Variants in ANKRD12 observed in about 807,000 individuals in gnomAD.
The protein encoded by ANKRD12 is ankyrin repeat domain-containing protein 12.
A neutral mutation model predicts 183.4 loss-of-function variants in ANKRD12; 85 were observed. The observed-to-expected ratio is 0.46, with a 90% confidence interval of 0.39 to 0.56. The LOEUF (loss-of-function observed/expected upper bound fraction) is 0.56. Ranked by LOEUF, ANKRD12 falls within the 20% of genes least tolerant of loss-of-function variation. ANKRD12 has a pLI of 0.00. For synonymous variants in ANKRD12, 914 were observed against 800.2 expected, an observed-to-expected ratio of 1.14 and a Z score of -2.40; for missense variants, 2,405 against 2,357.1, an observed-to-expected ratio of 1.02 and a Z score of -0.42.
chr18:9,159,775 T>G (rs997740182), intron 1 of ANKRD12, among the ~76,000 whole-genome samples: 4 of 151,578 alleles, frequency 2.6e-5, no homozygotes, highest in African/African-American at 9.7e-5. Context: ...ATTGTTCATT[T>G]TCTTTATACA....
intron 1 of ANKRD12, among the ~76,000 whole-genome samples, chr18:9,149,635 G>A (rs916189134): frequency 6.6e-6 from 1 of 151,982 alleles, no homozygotes; most frequent in African/African-American, 2.4e-5. Flanking sequence ...GATTTGGCTA[G>A]GATTAGTAGA....
At chr18:9,172,614 G>C (rs1003521316) in intron 1 of ANKRD12, among the ~76,000 whole-genome samples, 2 of 152,132 alleles carry the variant, frequency 1.3e-5, no homozygotes, top group Admixed American at 6.6e-5. Context: ...CTGCTTAGAA[G>C]CTCCTCCATT....
intron 8 of ANKRD12, among the ~76,000 whole-genome samples, chr18:9,239,865 A>G (rs958764700): frequency 6.6e-6 from 1 of 152,218 alleles, no homozygotes; most frequent in Non-Finnish European, 1.5e-5. Flanking sequence ...CTAAGAGGGT[A>G]TCATGTACGT....
chr18:9,265,060 C>T (rs543130881), intron 10 of ANKRD12, among the ~76,000 whole-genome samples: 52 of 151,882 alleles, frequency 3.4e-4, no homozygotes, highest in Non-Finnish European at 6.8e-4. Flanking sequence ...AACCGCAAGG[C>T]GGGAGCGAGG....
At chr18:9,157,583 G>GTATATATATATATATA (rs1184683418) in intron 1 of ANKRD12, among the ~76,000 whole-genome samples, 2 of 100,588 alleles carry the variant, frequency 2.0e-5, no homozygotes, top group African/African-American at 1.0e-4. Context: ...GTGTGTGTGT[G>GTATATATATATATATA]TGTATATATA....
chr18:9,207,052 A>G (rs574373450), intron 4 of ANKRD12, among the ~76,000 whole-genome samples: 1 of 152,202 alleles, frequency 6.6e-6, no homozygotes, highest in South Asian at 2.1e-4. Context: ...AAATACATTC[A>G]TTATAGTTAA....
At chr18:9,279,043 T>G (rs997933619) in intron 11 of ANKRD12, among the ~76,000 whole-genome samples, 2 of 152,112 alleles carry the variant, frequency 1.3e-5, no homozygotes, top group African/African-American at 2.4e-5. Context: ...AATTTGAATA[T>G]AGTCTGTTAA....
Position 9,258,118 on chromosome 18 carries a change from T to C in ANKRD12, c.4851T>C (p.His1617=). The C allele has an allele frequency of 2.5e-6, 4 of 1,613,582 alleles. No homozygotes were observed. Among genetic ancestry groups the C allele is most frequent in the Non-Finnish European group, 3.4e-6 (4 of 1,179,974 alleles). The change falls in exon 9 of 13, where the codon CAT becomes CAC. Residue 1617 remains histidine, a synonymous_variant. Transcript: ENST00000262126. ...TAACTTACAAGTCTTCCAGTGGCCA[T>C]GAAGTTGAGAATAGCACAACTGATA... ...SKLTYKSSSG[H]EVENSTTDTQ...
intron 1 of ANKRD12, among the ~76,000 whole-genome samples, chr18:9,144,002 T>C (rs1362666794): frequency 6.6e-6 from 1 of 152,220 alleles, no homozygotes; most frequent in Non-Finnish European, 1.5e-5. Flanking sequence ...CATAGATACT[T>C]ACATACCTAT....
In ANKRD12 at chr18:9,206,656, G is replaced by A. The variant is rs28545708; in HGVS notation, c.305-2001G>A. On this transcript the variant is annotated intron_variant, in intron 4 of 12. Transcript: ENST00000262126. ...AAAATAGAGTTTATATTGGATGCTA[G>A]CATCTGATTCGAATTTTGTTTTAAA... Among the ~76,000 whole-genome samples, 588 of 152,140 alleles carry A rather than the reference G, an allele frequency of 3.9e-3. 3 individuals are homozygous for A. The highest frequency in any genetic ancestry group is 0.013 in the African/African-American group (523 of 41,522).
chr18:9,279,894 A>G (rs2040028152), intron 12 of ANKRD12, among the ~76,000 whole-genome samples: 1 of 152,190 alleles, frequency 6.6e-6, no homozygotes, highest in Non-Finnish European at 1.5e-5. Flanking sequence ...TATCCAATGT[A>G]CCTGTCTGGT....
Position 9,256,144 on chromosome 18 carries a change from T to C in ANKRD12, c.2877T>C (p.Asp959=). The change falls in exon 9 of 13, where the codon GAT becomes GAC. Residue 959 remains aspartate, a synonymous_variant. Transcript: ENST00000262126. ...GKNKEKDREL[D]KKEKSRDKES... ...ATAAAGAAAAAGACAGGGAGCTAGA[T>C]AAAAAGGAAAAATCTAGAGATAAAG... The C allele has an allele frequency of 1.3e-6, 2 of 1,555,562 alleles. No homozygotes were observed. Among genetic ancestry groups the C allele is most frequent in the Non-Finnish European group, 1.7e-6 (2 of 1,161,620 alleles).
intron 6 of ANKRD12, 42 bp from the exon 7 acceptor site, chr18:9,216,716 G>A (rs779515664): frequency 6.3e-7 from 1 of 1,595,740 alleles, no homozygotes; most frequent in Non-Finnish European, 8.6e-7. Context: ...ATATTTTGAA[G>A]TAGCGCAAGT....
At chr18:9,214,210 T>A (rs1463720653) in intron 6 of ANKRD12, among the ~76,000 whole-genome samples, 1 of 152,104 alleles carries the variant, frequency 6.6e-6, no homozygotes, top group Non-Finnish European at 1.5e-5. Flanking sequence ...TACATACTAG[T>A]CTGTTCTATC....
chr18:9,239,444 C>T (rs1408046848), intron 8 of ANKRD12: 2 of 1,009,650 alleles, frequency 2.0e-6, no homozygotes, highest in Non-Finnish European at 2.7e-6. Context: ...TTGATTGTTT[C>T]ATGTGTTCAT....
At chr18:9,269,751 A>G (rs2039494770) in intron 10 of ANKRD12, among the ~76,000 whole-genome samples, 1 of 152,270 alleles carries the variant, frequency 6.6e-6, no homozygotes, top group Non-Finnish European at 1.5e-5. Context: ...AATGGGAACA[A>G]AAGTCAAAAT....
intron 5 of ANKRD12, among the ~76,000 whole-genome samples, chr18:9,211,227 C>T (rs919022103): frequency 2.0e-5 from 3 of 152,150 alleles, no homozygotes; most frequent in African/African-American, 4.8e-5. Flanking sequence ...TTCAATTTCA[C>T]TTCCTCTAGG....
intron 1 of ANKRD12, among the ~76,000 whole-genome samples, chr18:9,158,301 T>C (rs2030903010): frequency 6.6e-6 from 1 of 152,226 alleles, no homozygotes; most frequent in Non-Finnish European, 1.5e-5. Context: ...GTTCATACTT[T>C]ATTCAGATTG....
chr18:9,203,446 T>G (rs1469823378), intron 3 of ANKRD12, among the ~76,000 whole-genome samples: 1 of 152,148 alleles, frequency 6.6e-6, no homozygotes, highest in South Asian at 2.1e-4. Context: ...CACAATAATA[T>G]TGTGAGTTGA....
Sources: allele counts gnomAD v4.1 joint callset (sites outside exome capture counted in the v4.1 genomes callset), GRCh38; gene constraint gnomAD v4.1.1; transcripts MANE v1.5; gene names NCBI Gene and HGNC (gene_info 2026-07-23, HGNC 2026-07-21).